TASOR2: variants seen among roughly 807,000 people sequenced by gnomAD.
The protein encoded by TASOR2 is transcription activation suppressor family member 2.
A neutral mutation model predicts 199.5 loss-of-function variants in TASOR2; 84 were observed. The ratio of observed to expected loss-of-function variants is 0.42; its 90% CI spans 0.35 to 0.50. The LOEUF is 0.50. Ranked by LOEUF, TASOR2 falls within the 20% of genes least tolerant of loss-of-function variation. The pLI is 0.02. For synonymous variants in TASOR2, 1,103 were observed against 1,046.6 expected (o/e 1.05, Z -1.04); for missense variants, 2,796 against 2,835.9 (o/e 0.99, Z 0.32).
intron 20 of TASOR2, 67 bp from the exon 22 acceptor site, chr10:5,762,962 C>G: frequency 6.7e-7 from 1 of 1,484,030 alleles, no homozygotes; most frequent in South Asian, 1.2e-5. Context: ...TTAGAGCATC[C>G]CGCTTATAAA....
At chr10:5,734,115 A>C (rs1835229071) in intron 11 of TASOR2, among the ~76,000 whole-genome samples, 2 of 152,226 alleles carry the variant, frequency 1.3e-5, no homozygotes, top group African/African-American at 4.8e-5. Flanking sequence ...ATGTAATTTA[A>C]AAATATTTGC....
intron 1 of TASOR2, chr10:5,712,381 TTG>T (rs1832038910): frequency 8.1e-7 from 1 of 1,231,372 alleles, no homozygotes; most frequent in Non-Finnish European, 1.0e-6. Flanking sequence ...TTATTTTTGT[TTG>T]TGTTTTACAG....
intron 1 of TASOR2, among the ~76,000 whole-genome samples, chr10:5,692,203 T>C (rs1836516704): frequency 6.7e-6 from 1 of 150,248 alleles, no homozygotes; most frequent in African/African-American, 2.5e-5. Flanking sequence ...GTGACATGTA[T>C]AAATACATTT....
intron 2 of TASOR2, 96 bp from the exon 4 acceptor site, chr10:5,717,563 A>G (rs1055903973): frequency 2.2e-6 from 1 of 451,452 alleles, no homozygotes; most frequent in African/African-American, 2.0e-5. Flanking sequence ...TGTCTCAACT[A>G]TCACAGTAGC....
intron 1 of TASOR2, among the ~76,000 whole-genome samples, chr10:5,696,782 T>G (rs1303423389): frequency 6.6e-6 from 1 of 152,068 alleles, no homozygotes; most frequent in African/African-American, 2.4e-5. Context: ...ATAAATAGAT[T>G]TACTTCAGGG....
Position 5,690,289 on chromosome 10 carries a change from T to C in TASOR2, c.-288+5114T>C, listed in dbSNP as rs966683963. On this transcript the variant is annotated intron_variant, in intron 1 of 20. Transcript: ENST00000328090. This position sits in a 1 kb window ranked among gnomAD's most constrained non-coding sequence, Gnocchi z 4.8. ...ATCTGGAGTGTACTTTGTTTTCTCT[T>C]AGTAAGATTTTAATTACATTTAATC... Among the ~76,000 whole-genome samples the C allele has an allele frequency of 6.6e-6, 1 of 152,224 alleles. No homozygotes were observed. The highest frequency in any genetic ancestry group is 6.5e-5 in the Admixed American group (1 of 15,282).
intron 1 of TASOR2, among the ~76,000 whole-genome samples, chr10:5,696,782 T>A (rs1303423389): frequency 6.6e-6 from 1 of 152,068 alleles, no homozygotes; most frequent in Admixed American, 6.6e-5. Context: ...ATAAATAGAT[T>A]TACTTCAGGG....
Position 5,722,233 on chromosome 10 carries a change from T to C in TASOR2, c.146+1263T>C, listed in dbSNP as rs1833459672. Among the ~76,000 whole-genome samples, 1 of 152,036 alleles carries C rather than the reference T, an allele frequency of 6.6e-6. No homozygotes were observed. The highest frequency in any genetic ancestry group is 2.4e-5 in the African/African-American group (1 of 41,378). ...ACTTTGGGAGGCCAAGGCAGGAGGA[T>C]TGCTTGAGTCCAGGAGTTTGAGACC... On this transcript the variant is annotated intron_variant, in intron 6 of 20. Coordinates refer to ENST00000328090, the Ensembl canonical transcript of TASOR2. The surrounding 1 kb of genome is among the most constrained non-coding windows in gnomAD (Gnocchi z 4.0).
Position 5,720,817 on chromosome 10 carries a change from G to A in TASOR2, c.46+43G>A. The A allele has an allele frequency of 6.3e-7, 1 of 1,591,210 alleles. No homozygotes were observed. The highest frequency in any genetic ancestry group is 8.5e-7 in the Non-Finnish European group (1 of 1,172,562). Reference sequence around the variant, plus strand: ...GATTCTTTTAGGTTTTTTTTTTCTTGAGTAAATGTTTCATCATAAATAATC... The same window carrying A: ...GATTCTTTTAGGTTTTTTTTTTCTTAAGTAAATGTTTCATCATAAATAATC... On this transcript the variant is annotated intron_variant, in intron 5 of 20. Coordinates refer to ENST00000328090, the Ensembl canonical transcript of TASOR2. The surrounding 1 kb of genome is among the most constrained non-coding windows in gnomAD (Gnocchi z 5.3).
At chr10:5,749,325 C>T (rs374953805) in exon 15 of TASOR2, 42 of 1,614,070 alleles carry the variant, frequency 2.6e-5, no homozygotes, top group Middle Eastern at 1.6e-4. Context: ...AGGTGGCAGA[C>T]GACCTCACCC....
In TASOR2 at chr10:5,738,153, T is replaced by C. The variant is rs1439399101; in HGVS notation, c.1448-1465T>C. On this transcript the variant is annotated intron_variant, in intron 12 of 20. Transcript: ENST00000328090. The surrounding 1 kb of genome is among the most constrained non-coding windows in gnomAD (Gnocchi z 4.7). ...AGACAGTCCTTTTGTTAATGAAACA[T>C]GATTTTCTGTCCTTTTTATTCACTG... 1.3e-5 allele frequency among the ~76,000 whole-genome samples: 2 copies of C among 152,224 alleles called. No individual in the cohort carries two copies. The highest frequency in any genetic ancestry group is 2.4e-5 in the African/African-American group (1 of 41,450).
At position 5,698,333 on chromosome 10, in the gene TASOR2, A is replaced by T. The variant is rs10904640; in HGVS notation, c.-288+13158A>T. On this transcript the variant is annotated intron_variant, in intron 1 of 20. Coordinates refer to ENST00000328090, the Ensembl canonical transcript of TASOR2. The surrounding 1 kb of genome is among the most constrained non-coding windows in gnomAD (Gnocchi z 4.4). ...CCCCAGCTGAGTTAAGCTGAATTCA[A>T]TGAACACTGTAGAGATGTGAGTGAT... is the stretch of plus-strand genomic sequence containing the variant. 6.6e-6 allele frequency among the ~76,000 whole-genome samples: 1 copy of T among 152,174 alleles called. No individual in the cohort carries two copies. The highest frequency in any genetic ancestry group is 1.5e-5 in the Non-Finnish European group (1 of 68,022).
At chr10:5,739,413 A>T (rs922735749) in intron 12 of TASOR2, among the ~76,000 whole-genome samples, 8 of 152,208 alleles carry the variant, frequency 5.3e-5, no homozygotes, top group African/African-American at 1.9e-4. Context: ...CCTTAATCCA[A>T]TAGAAAATTT....
exon 21 of TASOR2, chr10:5,763,557 ATAC>A (rs1840192959): frequency 6.6e-6 from 1 of 152,248 alleles, no homozygotes; most frequent in Non-Finnish European, 1.5e-5. Flanking sequence ...GTATTTGTAA[ATAC>A]TACACTACAA....
At chr10:5,755,559 G>GT (rs2131646522) in intron 15 of TASOR2, among the ~76,000 whole-genome samples, 1 of 151,728 alleles carries the variant, frequency 6.6e-6, no homozygotes, top group Non-Finnish European at 1.5e-5. Flanking sequence ...GGGTGACAGA[G>GT]TAAGACAACA....
intron 1 of TASOR2, among the ~76,000 whole-genome samples, chr10:5,697,540 G>C (rs1837310056): frequency 6.6e-6 from 1 of 152,190 alleles, no homozygotes; most frequent in Non-Finnish European, 1.5e-5. Context: ...GGGGGAGGCA[G>C]AGATCTTAGT....
rs554326686 is a variant in TASOR2 at position 5,720,508 on chromosome 10, G to C, written c.-99-36G>C. 1 of 1,518,620 alleles carries C rather than the reference G, an allele frequency of 6.6e-7. No homozygotes were observed. The highest frequency in any genetic ancestry group is 1.3e-5 in the South Asian group (1 of 78,576). The allele number at this position is 1,518,620 out of a possible 1,614,324, so 94.1% of individuals were successfully genotyped here. On this transcript the variant is annotated intron_variant, in intron 3 of 20. Coordinates refer to ENST00000328090, the Ensembl canonical transcript of TASOR2. This position sits in a 1 kb window ranked among gnomAD's most constrained non-coding sequence, Gnocchi z 5.3. ...AACTTGGTACATATGCAGTTCCATA[G>C]TGCTACCCTGATAATACTTATTTTT...
chr10:5,749,483 C>CA lies in TASOR2; in HGVS notation c.6067dup (p.Ile2023AsnfsTer3). 1 of 1,614,058 alleles carries CA rather than the reference C, an allele frequency of 6.2e-7. No individual in the cohort carries two copies. The highest frequency in any genetic ancestry group is 8.5e-7 in the Non-Finnish European group (1 of 1,180,028). ...ATCTCCATTGGTGCTTTCCCTTCGA[C>CA]AAAAATCTCTGAGGCCCCATTTCTG... On this transcript the variant is annotated frameshift_variant, in exon 15 of 21. Transcript: ENST00000328090. LOFTEE classifies it high-confidence loss of function.
intron 10 of TASOR2, among the ~76,000 whole-genome samples, chr10:5,727,392 A>G (rs1351977975): frequency 2.0e-5 from 3 of 152,154 alleles, no homozygotes; most frequent in African/African-American, 7.2e-5. Flanking sequence ...AACTGAATTC[A>G]TTTATTATTA....
Sources: gnomAD v4.1 joint callset for allele counts (sites outside exome capture counted in the v4.1 genomes callset) on GRCh38, gnomAD v4.1.1 for gene constraint, Gnocchi (gnomAD v3.1) non-coding constraint, MANE v1.5 for transcripts, NCBI Gene and HGNC (gene_info 2026-07-23, HGNC 2026-07-21) for gene names.